Variants in POLA1 observed in about 807,000 individuals in gnomAD.
POLA1 encodes DNA polymerase alpha 1, catalytic subunit.
Under a neutral mutation model 124.0 loss-of-function variants are expected in POLA1, and 15 were observed. That is an observed-to-expected ratio of 0.12 (90% CI 0.08 to 0.19). The LOEUF (loss-of-function observed/expected upper bound fraction) is 0.19. POLA1 is among the 10% of genes least tolerant of loss of function. The pLI, the probability that POLA1 is intolerant of heterozygous loss-of-function variation, is 1.00. For missense variants in POLA1, 886 were observed against 1,103.4 expected, an observed-to-expected ratio of 0.80 and a Z score of 2.79; for synonymous variants, 408 against 389.4, an observed-to-expected ratio of 1.05 and a Z score of -0.56.
intron 26 of POLA1, among the ~76,000 whole-genome samples, chrX:24,776,967 A>C (rs774571868): frequency 2.3e-4 from 26 of 112,346 alleles, no homozygotes; most frequent in Middle Eastern, 4.6e-3. Flanking sequence ...ATCCTTGAGA[A>C]TTGATACTTC....
intron 34 of POLA1, among the ~76,000 whole-genome samples, chrX:24,882,769 A>G (rs1382469124): frequency 9.4e-6 from 1 of 106,821 alleles, no homozygotes; most frequent in Non-Finnish European, 1.9e-5. Flanking sequence ...ATGGGCACCT[A>G]GGTTGATTCC....
At chrX:24,775,030 G>A (rs1475554587) in intron 26 of POLA1, among the ~76,000 whole-genome samples, 2 of 111,579 alleles carry the variant, frequency 1.8e-5, no homozygotes, top group Non-Finnish European at 3.8e-5. Flanking sequence ...TAAATGTGAT[G>A]TTACGTACAT....
Position 24,717,447 on chromosome X carries a change from A to G in POLA1, c.864A>G (p.Glu288=). The G allele has an allele frequency of 8.3e-7, 1 of 1,211,858 alleles. No homozygotes were observed. Among genetic ancestry groups the G allele is most frequent in the Middle Eastern group, 2.3e-4 (1 of 4,355 alleles). ...ACAAAGAGAGTGAGCCAGCAGAGGA[A>G]GTGAAACAAGAGGCGGATTCTGGGA... The part of the protein sequence containing the change: ...AWDKESEPAE[E]VKQEADSGKG... The change falls in exon 9 of 37, where the codon GAA becomes GAG. Residue 288 remains glutamate (E), a synonymous_variant. Coordinates refer to ENST00000379068, the MANE Select transcript of POLA1 (RefSeq NM_001330360.2).
chrX:24,704,058 T>G (rs1413449317), intron 3 of POLA1, among the ~76,000 whole-genome samples: 1 of 112,172 alleles, frequency 8.9e-6, no homozygotes, highest in Non-Finnish European at 1.9e-5. Flanking sequence ...TCTGGGCTTG[T>G]GGTAATCTTG....
At chrX:24,829,937 C>T (rs746677798) in intron 32 of POLA1, among the ~76,000 whole-genome samples, 3 of 112,431 alleles carry the variant, frequency 2.7e-5, no homozygotes, top group African/African-American at 9.7e-5. Context: ...CAAATGTATA[C>T]ATAAAATACA....
At chrX:24,922,086 T>G (rs1404934628) in intron 35 of POLA1, among the ~76,000 whole-genome samples, 1 of 110,838 alleles carries the variant, frequency 9.0e-6, no homozygotes, top group Non-Finnish European at 1.9e-5. Context: ...AACCCCCCCT[T>G]TTTTTGAGAC....
intron 26 of POLA1, among the ~76,000 whole-genome samples, chrX:24,781,381 G>T (rs1297226236): frequency 9.0e-6 from 1 of 111,561 alleles, no homozygotes; most frequent in African/African-American, 3.3e-5. Context: ...TTTGCCCAGT[G>T]CTGAAGATGG....
chrX:24,797,463 C>T (rs2045627604), intron 26 of POLA1, among the ~76,000 whole-genome samples: 1 of 110,790 alleles, frequency 9.0e-6, no homozygotes, highest in South Asian at 3.9e-4. Context: ...TAACTCCTGC[C>T]CCAGGAGCCC....
intron 35 of POLA1, among the ~76,000 whole-genome samples, chrX:24,895,495 G>A (rs1443317674): frequency 8.9e-6 from 1 of 112,568 alleles, no homozygotes; most frequent in Non-Finnish European, 1.9e-5. Flanking sequence ...CTTTCTAGAA[G>A]TTCCATTCAA....
At chrX:24,909,043 T>G (rs2047407552) in intron 35 of POLA1, among the ~76,000 whole-genome samples, 1 of 112,234 alleles carries the variant, frequency 8.9e-6, no homozygotes, top group African/African-American at 3.2e-5. Context: ...ATTTTGAGAA[T>G]TGTCTGTTCA....
intron 26 of POLA1, among the ~76,000 whole-genome samples, chrX:24,801,923 G>GT (rs1491138414): frequency 0.044 from 3,886 of 88,617 alleles, 123 homozygotes; most frequent in African/African-American, 0.087. Context: ...AGAGGTGGGT[G>GT]GGTGTGTGTG....
chrX:24,944,671 G>A (rs2047941593), intron 36 of POLA1, among the ~76,000 whole-genome samples: 1 of 111,889 alleles, frequency 8.9e-6, no homozygotes, highest in African/African-American at 3.2e-5. Flanking sequence ...TTTTTAGTTT[G>A]GCTCAAATGA....
intron 35 of POLA1, among the ~76,000 whole-genome samples, chrX:24,916,893 C>T (rs997692245): frequency 3.6e-5 from 4 of 112,266 alleles, no homozygotes; most frequent in African/African-American, 6.5e-5. Context: ...AGAATAGTTT[C>T]GTTTTCTATC....
chrX:24,952,551 C>G (rs2048060439), intron 36 of POLA1, among the ~76,000 whole-genome samples: 3 of 112,198 alleles, frequency 2.7e-5, no homozygotes, highest in Non-Finnish European at 5.6e-5. Flanking sequence ...AAAAAAAAAG[C>G]TACTTTTTTG....
chrX:24,987,375 T>C (rs950170730), intron 36 of POLA1, among the ~76,000 whole-genome samples: 1 of 111,698 alleles, frequency 9.0e-6, no homozygotes, highest in Non-Finnish European at 1.9e-5. Context: ...GTATTGTGTG[T>C]TATGTTTAGC....
rs56261818 is a variant in POLA1, at chrX:24,887,912, A to T, written c.4048-94A>T. 552 of 542,171 alleles carry T rather than the reference A, an allele frequency of 1.0e-3. 4 individuals carry two copies. In the African/African-American group the frequency reaches 0.011, roughly 10 times the overall value. 44.7% of individuals were successfully genotyped at this position (542,171 alleles called of 1,213,427 possible). ...GTTATGTCAGAATTTCTGAGAAAAGATTAAATAAAATGAGTCTATCTTGAT... is the reference window on the plus strand; with the variant it reads ...GTTATGTCAGAATTTCTGAGAAAAGTTTAAATAAAATGAGTCTATCTTGAT... On this transcript the variant is annotated intron_variant, in intron 34 of 36. Coordinates refer to ENST00000379068, the MANE Select transcript of POLA1 (RefSeq NM_001330360.2).
chrX:24,713,068 G>A (rs1929570694), intron 4 of POLA1, among the ~76,000 whole-genome samples: 1 of 111,044 alleles, frequency 9.0e-6, no homozygotes, highest in Non-Finnish European at 1.9e-5. Context: ...GGGTTCAAGC[G>A]ATTCTCCTGC....
At chrX:24,853,682 G>T (rs1217233393) in intron 34 of POLA1, among the ~76,000 whole-genome samples, 3 of 111,982 alleles carry the variant, frequency 2.7e-5, no homozygotes, top group African/African-American at 9.7e-5. Flanking sequence ...AATACTGTCA[G>T]TTGGTTTTTC....
intron 36 of POLA1, among the ~76,000 whole-genome samples, chrX:24,994,821 G>A (rs1363828891): frequency 9.0e-6 from 1 of 111,248 alleles, no homozygotes. Context: ...TGAACACAGC[G>A]TCATCCCCCA....
Sources: gnomAD v4.1 joint callset for allele counts (sites outside exome capture counted in the v4.1 genomes callset) on GRCh38, gnomAD v4.1.1 for gene constraint, MANE v1.5 for transcripts, NCBI Gene and HGNC (gene_info 2026-07-23, HGNC 2026-07-21) for gene names.